The following CD99L2 variants were observed in gnomAD, a reference collection of about 807,000 sequenced individuals.
The protein encoded by CD99L2 is CD99 antigen-like protein 2.
Under a neutral mutation model 27.3 loss-of-function variants are expected in CD99L2, and 24 were observed. The observed-to-expected ratio is 0.88, with a 90% CI of 0.64 to 1.24. The LOEUF (loss-of-function observed/expected upper bound fraction) is 1.24. Ranked by LOEUF, CD99L2 falls within the 50% of genes most tolerant of loss-of-function variation. The probability of loss-of-function intolerance (pLI) is 0.00; values close to 1 mark genes in which losing one functional copy is unlikely to be tolerated. For missense variants in CD99L2, 255 were observed against 221.6 expected (o/e 1.15, Z -0.96); for synonymous variants, 97 against 87.9 (o/e 1.10, Z -0.58).
At chrX:150,872,013 T>C (rs1036132020) in intron 1 of CD99L2, among the ~76,000 whole-genome samples, 7 of 111,522 alleles carry the variant, frequency 6.3e-5, no homozygotes, top group African/African-American at 2.3e-4. Flanking sequence ...AGAGAATCAC[T>C]TGAGCCCAGG....
intron 6 of CD99L2, 91 bp downstream of exon 6, chrX:150,795,115 G>C (rs879964757): frequency 1.9e-6 from 2 of 1,034,360 alleles, no homozygotes; most frequent in Non-Finnish European, 2.7e-6. Flanking sequence ...CCAGTGGCTT[G>C]AAGTGCCTCC....
intron 2 of CD99L2, among the ~76,000 whole-genome samples, chrX:150,825,479 C>T (rs1408969715): frequency 8.9e-6 from 1 of 112,164 alleles, no homozygotes; most frequent in Non-Finnish European, 1.9e-5. Context: ...GGAAACGTCT[C>T]GTTTCTCTGA....
intron 1 of CD99L2, among the ~76,000 whole-genome samples, chrX:150,869,000 T>C (rs782170511): frequency 8.9e-6 from 1 of 112,572 alleles, no homozygotes; most frequent in East Asian, 2.8e-4. Flanking sequence ...CTTCAATAGT[T>C]TCTCTCATGG....
chrX:150,851,912 A>G (rs1200059269), intron 1 of CD99L2, among the ~76,000 whole-genome samples: 2 of 112,240 alleles, frequency 1.8e-5, no homozygotes, highest in Non-Finnish European at 3.8e-5. Flanking sequence ...GCCCTATTTG[A>G]AAGTCCCGTT....
At chrX:150,849,818 CAAGT>C (rs1403224914) in intron 1 of CD99L2, among the ~76,000 whole-genome samples, 3 of 111,758 alleles carry the variant, frequency 2.7e-5, no homozygotes, top group Admixed American at 1.9e-4. Flanking sequence ...ACAAATCTTC[CAAGT>C]GAGTAAGAAC....
intron 7 of CD99L2, among the ~76,000 whole-genome samples, chrX:150,793,277 C>T (rs1007424480): frequency 7.1e-5 from 8 of 112,361 alleles, no homozygotes; most frequent in Non-Finnish European, 1.5e-4. Flanking sequence ...TAAAAGATAT[C>T]TGACTTGCTA....
At position 150,776,167 on chromosome X, in the gene CD99L2, C is replaced by A; in HGVS notation, c.655+7G>T. 8.3e-7 allele frequency: 1 copy of A among 1,210,167 alleles called. No individual in the cohort carries two copies. On this transcript the variant is annotated splice_region_variant and intron_variant, in intron 9 of 10. Coordinates refer to ENST00000370377, the MANE Select transcript of CD99L2 (RefSeq NM_031462.4). The stretch of plus-strand genomic sequence containing the variant: ...GTTCCTAGCCACGAGTGGGTGGCTG[C>A]ACTTACGCTGAATGCTGAAGCAGAA...
chrX:150,889,191 CCA>C (rs1416813380), intron 1 of CD99L2, among the ~76,000 whole-genome samples: 4 of 112,615 alleles, frequency 3.6e-5, no homozygotes, highest in Non-Finnish European at 7.5e-5. Context: ...TCTGTTTCAC[CCA>C]CAGTGCCCCC....
In CD99L2 at chrX:150,833,806, A is replaced by G. The variant is rs143404408; in HGVS notation, c.68-2513T>C. On this transcript the variant is annotated intron_variant, in intron 1 of 10. Transcript: ENST00000370377. Reference sequence around the variant, plus strand: ...AATGAATAAAAGACTTAAATGCAAGACCTGAAACTGCAAAGCTACTAGAAA... The same window carrying G: ...AATGAATAAAAGACTTAAATGCAAGGCCTGAAACTGCAAAGCTACTAGAAA... 5.1e-3 allele frequency among the ~76,000 whole-genome samples: 566 copies of G among 111,893 alleles called. 7 individuals are homozygous for G. Among genetic ancestry groups the G allele is most frequent in the Middle Eastern group, 0.014 (3 of 218 alleles).
intron 1 of CD99L2, among the ~76,000 whole-genome samples, chrX:150,887,786 C>T (rs1024485415): frequency 2.7e-5 from 3 of 111,901 alleles, no homozygotes; most frequent in Admixed American, 9.5e-5. Context: ...AGCAGCATGG[C>T]GTCACAGGAA....
intron 1 of CD99L2, among the ~76,000 whole-genome samples, chrX:150,864,753 A>G: frequency 8.9e-6 from 1 of 112,791 alleles, no homozygotes; most frequent in Non-Finnish European, 1.9e-5. Flanking sequence ...TGCACTCTAC[A>G]TATTTCACAA....
At chrX:150,777,254 T>C in intron 8 of CD99L2, 190 bp downstream of exon 8, 2 of 485,693 alleles carry the variant, frequency 4.1e-6, no homozygotes, top group Non-Finnish European at 6.9e-6. Flanking sequence ...AATTTCTTTG[T>C]AGGCAAATTG....
intron 1 of CD99L2, among the ~76,000 whole-genome samples, chrX:150,840,584 T>G (rs782722435): frequency 9.0e-6 from 1 of 111,512 alleles, no homozygotes; most frequent in East Asian, 2.8e-4. Context: ...TTTTTTGTAT[T>G]TTTTGTAGAG....
intron 7 of CD99L2, among the ~76,000 whole-genome samples, chrX:150,792,603 C>T (rs782118594): frequency 4.5e-5 from 5 of 112,261 alleles, no homozygotes; most frequent in Non-Finnish European, 7.5e-5. Flanking sequence ...ACACTAGTAA[C>T]CACAGCCAAG....
At chrX:150,864,475 G>C (rs1208253466) in intron 1 of CD99L2, among the ~76,000 whole-genome samples, 1 of 112,501 alleles carries the variant, frequency 8.9e-6, no homozygotes, top group African/African-American at 3.2e-5. Context: ...ATTGGTGGGA[G>C]TATGAACCAG....
At chrX:150,790,877 C>T (rs1206737911) in intron 7 of CD99L2, among the ~76,000 whole-genome samples, 2 of 111,462 alleles carry the variant, frequency 1.8e-5, no homozygotes, top group Non-Finnish European at 3.8e-5. Context: ...ATTTGTATCC[C>T]GTCTCTCAAG....
At chrX:150,837,597 A>G (rs967005014) in intron 1 of CD99L2, among the ~76,000 whole-genome samples, 2 of 112,446 alleles carry the variant, frequency 1.8e-5, no homozygotes, top group Non-Finnish European at 3.8e-5. Context: ...AAAGGGGCAC[A>G]GGAACCAACT....
At chrX:150,798,082 G>A (rs1318327928) in intron 4 of CD99L2, among the ~76,000 whole-genome samples, 3 of 80,415 alleles carry the variant, frequency 3.7e-5, no homozygotes, top group Middle Eastern at 5.9e-3. Context: ...AGAAGGAGAA[G>A]AAGGAGGAGA....
At chrX:150,772,510 G>C (rs782731378) in intron 9 of CD99L2, among the ~76,000 whole-genome samples, 38 of 112,667 alleles carry the variant, frequency 3.4e-4, no homozygotes, top group Non-Finnish European at 6.2e-4. Context: ...GAAAGGATGT[G>C]GTTGGGACCA....
Sources: allele counts gnomAD v4.1 joint callset (sites outside exome capture counted in the v4.1 genomes callset), GRCh38; gene constraint gnomAD v4.1.1; transcripts MANE v1.5; gene names NCBI Gene and HGNC (gene_info 2026-07-23, HGNC 2026-07-21).